The following UBE2W variants were observed in gnomAD, a reference collection of about 807,000 sequenced individuals.
UBE2W encodes ubiquitin conjugating enzyme E2 W, also known as ubiquitin-conjugating enzyme E2 W.
Under a neutral mutation model 27.2 loss-of-function variants are expected in UBE2W, and 18 were observed. The ratio of observed to expected loss-of-function variants is 0.66; its 90% CI spans 0.46 to 0.98. The LOEUF is 0.98. Ranked by LOEUF, UBE2W falls within the 50% of genes least tolerant of loss-of-function variation. The probability of loss-of-function intolerance (pLI) is 0.00; values close to 1 mark genes in which losing one functional copy is unlikely to be tolerated. For missense variants in UBE2W, 90 were observed against 180.2 expected (o/e 0.50, Z 2.87); for synonymous variants, 53 against 57.2 (o/e 0.93, Z 0.33).
intron 3 of UBE2W, among the ~76,000 whole-genome samples, chr8:73,821,023 G>A (rs896658308): frequency 6.6e-6 from 1 of 152,124 alleles, no homozygotes; most frequent in South Asian, 2.1e-4. Flanking sequence ...AACTGACCTA[G>A]AGCTTTCAAA....
intron 1 of UBE2W, among the ~76,000 whole-genome samples, chr8:73,877,984 C>T (rs2131007562): frequency 6.6e-6 from 1 of 152,188 alleles, no homozygotes; most frequent in South Asian, 2.1e-4. Flanking sequence ...TAAGGTTCCA[C>T]TAAAGGTCTG....
intron 5 of UBE2W, among the ~76,000 whole-genome samples, chr8:73,800,327 T>C (rs993560877): frequency 2.0e-5 from 3 of 152,052 alleles, no homozygotes; most frequent in African/African-American, 2.4e-5. Context: ...AAAAGGAGAA[T>C]GGTGGAGGGG....
chr8:73,863,434 G>T lies in UBE2W; in HGVS notation c.15+15374C>A, dbSNP rs1294833227. On this transcript the variant is annotated intron_variant, in intron 1 of 5. Transcript: ENST00000602593. Reference sequence around the variant, plus strand: ...CACACTCTGGGGACTGTGGTGGGGTGGGGGGAGGAGGGAGGGATAGCATTG... The same window carrying T: ...CACACTCTGGGGACTGTGGTGGGGTTGGGGGAGGAGGGAGGGATAGCATTG... Among the ~76,000 whole-genome samples, 12 of 149,054 alleles carry T rather than the reference G, an allele frequency of 8.1e-5. No individual in the cohort carries two copies. The South Asian group carries it at 2.1e-3, about 26-fold the overall frequency.
chr8:73,849,946 G>A (rs1811003361), intron 1 of UBE2W, among the ~76,000 whole-genome samples: 1 of 152,060 alleles, frequency 6.6e-6, no homozygotes, highest in South Asian at 2.1e-4. Context: ...TAATGATATA[G>A]TCACCATGAG....
intron 2 of UBE2W, among the ~76,000 whole-genome samples, chr8:73,829,792 G>T (rs1402808834): frequency 1.3e-5 from 2 of 152,108 alleles, no homozygotes; most frequent in East Asian, 3.9e-4. Context: ...CTACAAGTTG[G>T]TTTACAATCA....
At position 73,786,271 on chromosome 8, in the gene UBE2W, T is replaced by C. The variant is rs1807951114; in HGVS notation, c.*7831A>G. 1 of 985,318 alleles carries C rather than the reference T, an allele frequency of 1.0e-6. No homozygotes were observed. Among genetic ancestry groups the C allele is most frequent in the Admixed American group, 6.2e-5 (1 of 16,258 alleles). 61.0% of individuals were successfully genotyped at this position (985,318 alleles called of 1,614,324 possible). A position where few individuals can be genotyped will look rare whatever the true frequency, so the allele number is the denominator to read the frequency against. ...AGTAGTTTTCTCAAACTCTCTGGGA[T>C]AGAAAGAGCAGGGTCCTGTTATACA... On this transcript the variant is annotated 3_prime_UTR_variant, in exon 6 of 6. Transcript: ENST00000602593.
chr8:73,875,977 T>G (rs549803971), intron 1 of UBE2W, among the ~76,000 whole-genome samples: 1 of 152,118 alleles, frequency 6.6e-6, no homozygotes, highest in South Asian at 2.1e-4. Context: ...GCTAGAACCC[T>G]GGGAGCGGAG....
intron 5 of UBE2W, among the ~76,000 whole-genome samples, chr8:73,799,142 A>G (rs775557967): frequency 6.6e-6 from 1 of 152,182 alleles, no homozygotes; most frequent in Non-Finnish European, 1.5e-5. Context: ...TGCAGTCACT[A>G]TCAATACAAC....
Position 73,857,748 on chromosome 8 carries a change from G to A in UBE2W, c.15+21060C>T, listed in dbSNP as rs551825183. On this transcript the variant is annotated intron_variant, in intron 1 of 5. Transcript: ENST00000602593. ...GGAAAACTGCTTGAACCCGGGAGGT[G>A]GAGGTTGCAGTGAGCCGAAATCGCG... is the stretch of plus-strand genomic sequence containing the variant. 1.3e-4 allele frequency among the ~76,000 whole-genome samples: 20 copies of A among 152,164 alleles called. 1 individual carries two copies. The South Asian group carries it at 3.9e-3, about 30-fold the overall frequency.
At chr8:73,815,329 A>T (rs1411163751) in intron 3 of UBE2W, among the ~76,000 whole-genome samples, 3 of 152,196 alleles carry the variant, frequency 2.0e-5, no homozygotes, top group Non-Finnish European at 4.4e-5. Flanking sequence ...GAGCTACGAT[A>T]GCCCATGGCA....
intron 1 of UBE2W, among the ~76,000 whole-genome samples, chr8:73,869,564 G>A (rs943984483): frequency 1.3e-5 from 2 of 152,168 alleles, no homozygotes; most frequent in Admixed American, 1.3e-4. Context: ...GGTGGCGCAC[G>A]CCTGCAGTCC....
intron 2 of UBE2W, among the ~76,000 whole-genome samples, chr8:73,825,682 T>C (rs1299306898): frequency 6.6e-6 from 1 of 152,070 alleles, no homozygotes; most frequent in African/African-American, 2.4e-5. Context: ...GCACCTGTAA[T>C]CCCAGCTACT....
At chr8:73,855,394 CTTTT>C (rs66577299) in intron 1 of UBE2W, among the ~76,000 whole-genome samples, 9 of 84,702 alleles carry the variant, frequency 1.1e-4, no homozygotes, top group African/African-American at 3.1e-4. Context: ...ATTCTACTTT[CTTTT>C]TTTTTTTTTT....
intron 3 of UBE2W, among the ~76,000 whole-genome samples, chr8:73,813,667 A>G (rs1809266783): frequency 6.6e-6 from 1 of 152,138 alleles, no homozygotes; most frequent in African/African-American, 2.4e-5. Context: ...TTTACATGCC[A>G]GAGGTGAATT....
rs1325622440 is a variant in UBE2W at position 73,788,076 on chromosome 8, C to A, written c.*6026G>T. The A allele has an allele frequency of 3.0e-6, 3 of 984,368 alleles. No individual in the cohort carries two copies. The highest frequency in any genetic ancestry group is 3.6e-6 in the Non-Finnish European group (3 of 829,330). The allele number at this position is 984,368 out of a possible 1,614,324, so 61.0% of individuals were successfully genotyped here. A position where few individuals can be genotyped will look rare whatever the true frequency, so the allele number is the denominator to read the frequency against. On this transcript the variant is annotated 3_prime_UTR_variant, in exon 6 of 6. Coordinates refer to ENST00000602593, the MANE Select transcript of UBE2W (RefSeq NM_018299.6). ...GTACAAATACTTTTACGTCATAAACCAAAAAGAGGTCTGGTATCTATCCCA... is the reference window on the plus strand; with the variant it reads ...GTACAAATACTTTTACGTCATAAACAAAAAAGAGGTCTGGTATCTATCCCA...
intron 1 of UBE2W, among the ~76,000 whole-genome samples, chr8:73,851,039 T>C (rs184789516): frequency 7.9e-5 from 12 of 151,860 alleles, no homozygotes; most frequent in African/African-American, 2.9e-4. Context: ...TTTGTAGAGA[T>C]AGGATTGCGC....
intron 1 of UBE2W, among the ~76,000 whole-genome samples, chr8:73,853,689 G>T (rs1008213539): frequency 6.6e-6 from 1 of 152,064 alleles, no homozygotes; most frequent in Admixed American, 6.6e-5. Flanking sequence ...GTTATTGAAA[G>T]AACACAATGA....
chr8:73,858,984 G>A (rs1257227948), intron 1 of UBE2W, among the ~76,000 whole-genome samples: 3 of 69,968 alleles, frequency 4.3e-5, no homozygotes, highest in Non-Finnish European at 8.7e-5. Flanking sequence ...TTTTGCGTGT[G>A]TGTGTGTGTG....
At chr8:73,784,830 C>A (rs1807907209), downstream of UBE2W, among the ~76,000 whole-genome samples, 1 of 152,086 alleles carries the variant, frequency 6.6e-6, no homozygotes. Flanking sequence ...GGGCAACTAT[C>A]CTTGTGATAC....
Sources: gnomAD v4.1 joint callset for allele counts (sites outside exome capture counted in the v4.1 genomes callset) on GRCh38, gnomAD v4.1.1 for gene constraint, MANE v1.5 for transcripts, NCBI Gene and HGNC (gene_info 2026-07-23, HGNC 2026-07-21) for gene names.